DOCK1: variants seen among roughly 807,000 people sequenced by gnomAD.
DOCK1 encodes the protein dedicator of cytokinesis protein 1.
In DOCK1, 138 loss-of-function variants were observed where a neutral mutation model predicts 262.7. The observed-to-expected ratio is 0.53, with a 90% CI of 0.46 to 0.61. DOCK1 has a LOEUF of 0.61. Among genes scored for constraint, DOCK1 ranks in the 20% least tolerant of loss-of-function variants. The pLI is 0.00. For missense variants in DOCK1, 1,908 were observed against 2,370.7 expected (o/e 0.80, Z 4.05); for synonymous variants, 866 against 867.4 (o/e 1.00, Z 0.03).
chr10:127,232,794 G>T (rs2058899847), intron 27 of DOCK1, among the ~76,000 whole-genome samples: 2 of 152,186 alleles, frequency 1.3e-5, no homozygotes, highest in Admixed American at 6.5e-5. Flanking sequence ...TGTGTAGCCA[G>T]ATAATTAGCT....
At chr10:127,164,717 A>C (rs914186576) in intron 27 of DOCK1, among the ~76,000 whole-genome samples, 2 of 152,222 alleles carry the variant, frequency 1.3e-5, no homozygotes, top group African/African-American at 4.8e-5. Flanking sequence ...TCATATTTTC[A>C]TAATATAAAA....
At chr10:127,127,532 A>G in intron 26 of DOCK1, 137 bp from the exon 27 acceptor site, 1 of 516,736 alleles carries the variant, frequency 1.9e-6, no homozygotes, top group East Asian at 3.3e-5. Context: ...TTTGCCTTTG[A>G]CAAGGGCCAT....
rs1421595320 is a variant in DOCK1 at position 127,008,791 on chromosome 10, A to T, written c.1045A>T (p.Ile349Phe). 1 of 1,600,434 alleles carries T rather than the reference A, an allele frequency of 6.2e-7. No individual in the cohort carries two copies. Among genetic ancestry groups the T allele is most frequent in the Non-Finnish European group, 8.5e-7 (1 of 1,172,768 alleles). The change falls in exon 11 of 52, where the codon ATT (isoleucine) becomes TTT (phenylalanine). Residue 349 changes from isoleucine (I) to phenylalanine (F), a missense_variant. Ile to Phe is a conservative substitution (Grantham distance 21). Coordinates refer to ENST00000623213, the MANE Select transcript of DOCK1 (RefSeq NM_001290223.2). ...AGATGATGAAGATAAGCAGCATTTC[A>T]TTCCCTTTCAGCCGTAAGTATGGAG... is the stretch of plus-strand genomic sequence containing the variant. ...KVDDEDKQHF[I>F]PFQPLALDDA...
chr10:127,325,852 A>G (rs944761917), intron 29 of DOCK1, among the ~76,000 whole-genome samples: 7 of 152,216 alleles, frequency 4.6e-5, no homozygotes, highest in Non-Finnish European at 8.8e-5. Context: ...TGTTCAGTCA[A>G]AGCTATATAT....
At position 127,363,030 on chromosome 10, in the gene DOCK1, TGCACCTCCCCCCACACAC is replaced by T. The variant is rs1565027611; in HGVS notation, c.3432+819_3432+836del. Among the ~76,000 whole-genome samples, 543 of 81,266 alleles carry T rather than the reference TGCACCTCCCCCCACACAC, an allele frequency of 6.7e-3. 76 individuals carry two copies. Among genetic ancestry groups the T allele is most frequent in the African/African-American group, 0.026 (493 of 18,686 alleles). 53.3% of individuals were successfully genotyped at this position (81,266 alleles called of 152,430 possible). On this transcript the variant is annotated intron_variant, in intron 33 of 51. Coordinates refer to ENST00000623213, the MANE Select transcript of DOCK1 (RefSeq NM_001290223.2). ...GCACATCCCCACACACACACACACATGCACCTCCCCCCACACACACACACGTACATCCCCACATATACA... is the reference window on the plus strand; with the variant it reads ...GCACATCCCCACACACACACACACATACACACGTACATCCCCACATATACA...
intron 30 of DOCK1, among the ~76,000 whole-genome samples, chr10:127,340,757 A>G (rs1288118722): frequency 7.9e-5 from 12 of 152,060 alleles, no homozygotes; most frequent in Non-Finnish European, 5.9e-5. Context: ...AAAATGATTG[A>G]TTTTTGTTTT....
chr10:127,012,205 TG>T lies in DOCK1; in HGVS notation c.1059-25del. 2.4e-6 allele frequency: 3 copies of T among 1,261,916 alleles called. No individual in the cohort carries two copies. The highest frequency in any genetic ancestry group is 3.5e-6 in the Non-Finnish European group (3 of 861,056). 78.2% of individuals were successfully genotyped at this position (1,261,916 alleles called of 1,614,324 possible). ...GGTCTCTGTGCCCCTTTGTCTCCTG[TG>T]GTCTTGGTCGTCCCGTGCCCTCCAG... On this transcript the variant is annotated intron_variant, in intron 11 of 51. Transcript: ENST00000623213. The surrounding 1 kb of genome is among the most constrained non-coding windows in gnomAD (Gnocchi z 4.0).
intron 1 of DOCK1, among the ~76,000 whole-genome samples, chr10:126,953,215 T>C (rs1438864911): frequency 6.6e-6 from 1 of 151,772 alleles, no homozygotes; most frequent in Non-Finnish European, 1.5e-5. Context: ...GTGGTAGTAC[T>C]GTTGGTAGTA....
chr10:127,310,846 A>G (rs2062038618), intron 29 of DOCK1, among the ~76,000 whole-genome samples: 1 of 152,202 alleles, frequency 6.6e-6, no homozygotes, highest in Non-Finnish European at 1.5e-5. Flanking sequence ...ATCTCCTGTT[A>G]TGTCTTATTA....
chr10:127,127,290 C>A (rs2050023960), intron 26 of DOCK1, among the ~76,000 whole-genome samples: 1 of 152,194 alleles, frequency 6.6e-6, no homozygotes, highest in Non-Finnish European at 1.5e-5. Context: ...TTGCATTTGA[C>A]GTGCAGAACC....
intron 27 of DOCK1, 178 bp downstream of exon 27, chr10:127,127,942 A>C (rs923436861): frequency 7.0e-6 from 3 of 425,938 alleles, no homozygotes; most frequent in African/African-American, 6.0e-5. Flanking sequence ...AAGCAAACCA[A>C]CTTTAAAGAT....
intron 46 of DOCK1, among the ~76,000 whole-genome samples, chr10:127,424,651 A>T (rs2068708709): frequency 1.3e-5 from 2 of 152,206 alleles, no homozygotes. Flanking sequence ...AGCATTTTCT[A>T]CTGCTGGCCC....
At chr10:127,335,754 G>A (rs1372887865) in intron 29 of DOCK1, among the ~76,000 whole-genome samples, 2 of 143,534 alleles carry the variant, frequency 1.4e-5, no homozygotes, top group East Asian at 2.1e-4. Context: ...TCACTCTGTC[G>A]CCTAGGCTGG....
chr10:127,263,617 C>T (rs1286558556), intron 29 of DOCK1, among the ~76,000 whole-genome samples: 1 of 152,248 alleles, frequency 6.6e-6, no homozygotes, highest in Non-Finnish European at 1.5e-5. Flanking sequence ...AGGGGAGCAG[C>T]TGCTAAGGTT....
chr10:127,447,611 A>C, intron 51 of DOCK1, 66 bp downstream of exon 51: 1 of 1,575,566 alleles, frequency 6.3e-7, no homozygotes, highest in Non-Finnish European at 8.6e-7. Context: ...CGAGTCCCTC[A>C]TTCCAGATAC....
At chr10:127,017,987 G>A (rs1477007320) in intron 12 of DOCK1, among the ~76,000 whole-genome samples, 2 of 152,164 alleles carry the variant, frequency 1.3e-5, no homozygotes, top group African/African-American at 4.8e-5. Flanking sequence ...CCGCACACAC[G>A]CCCTTACACA....
intron 20 of DOCK1, 130 bp from the exon 21 acceptor site, chr10:127,042,934 C>T (rs899132200): frequency 2.4e-6 from 2 of 849,020 alleles, no homozygotes; most frequent in African/African-American, 3.4e-5. Flanking sequence ...AAAAGGTAAA[C>T]TAGCCACCAA....
chr10:127,240,382 C>T (rs1254938771), intron 27 of DOCK1, among the ~76,000 whole-genome samples: 2 of 150,526 alleles, frequency 1.3e-5, no homozygotes, highest in African/African-American at 4.9e-5. Flanking sequence ...TGAATAAAGG[C>T]ATCATGGGAA....
At chr10:127,371,209 C>T (rs1013848317) in intron 33 of DOCK1, among the ~76,000 whole-genome samples, 4 of 152,320 alleles carry the variant, frequency 2.6e-5, no homozygotes, top group Admixed American at 1.3e-4. Flanking sequence ...TAAAAATGAA[C>T]GAGGATCCTG....
Sources: allele counts gnomAD v4.1 joint callset (sites outside exome capture counted in the v4.1 genomes callset), GRCh38; gene constraint gnomAD v4.1.1; non-coding constraint Gnocchi (gnomAD v3.1); transcripts MANE v1.5; gene names NCBI Gene and HGNC (gene_info 2026-07-23, HGNC 2026-07-21).